ANO3: variants seen among roughly 807,000 people sequenced by gnomAD.
ANO3 encodes the protein anoctamin-3.
ANO3 carries 99 observed loss-of-function variants against 144.8 expected under a neutral mutation model. The ratio of observed to expected loss-of-function variants is 0.68; its 90% CI spans 0.58 to 0.81. ANO3 has a LOEUF of 0.81. ANO3 is among the 30% of genes least tolerant of loss of function. The probability of loss-of-function intolerance (pLI) is 0.00; values close to 1 mark genes in which losing one functional copy is unlikely to be tolerated. For missense variants in ANO3, 905 were observed against 1,202.2 expected (o/e 0.75, Z 3.66); for synonymous variants, 414 against 392.6 (o/e 1.05, Z -0.64).
intron 1 of ANO3, among the ~76,000 whole-genome samples, chr11:26,209,183 C>A (rs1851879771): frequency 6.6e-6 from 1 of 152,088 alleles, no homozygotes; most frequent in South Asian, 2.1e-4. Context: ...GCATAATATT[C>A]CTCTCCCTGT....
upstream of ANO3, among the ~76,000 whole-genome samples, chr11:26,305,663 T>G (rs1854364252): frequency 6.6e-6 from 1 of 152,210 alleles, no homozygotes; most frequent in Non-Finnish European, 1.5e-5. Context: ...ACATAACTAC[T>G]TTCAGAGTTC....
chr11:26,449,485 T>TCA (rs1464465815), intron 3 of ANO3, among the ~76,000 whole-genome samples: 3 of 29,822 alleles, frequency 1.0e-4, no homozygotes, highest in African/African-American at 2.6e-4. Context: ...TCTCTCTCTC[T>TCA]CTCACACACA....
intron 4 of ANO3, among the ~76,000 whole-genome samples, chr11:26,502,290 G>A (rs949456301): frequency 5.3e-5 from 8 of 152,098 alleles, no homozygotes; most frequent in South Asian, 4.2e-4. Flanking sequence ...TCAGTGTTGC[G>A]ACTGTTCTGC....
intron 1 of ANO3, among the ~76,000 whole-genome samples, chr11:26,280,124 A>G (rs1253269690): frequency 6.6e-6 from 1 of 152,188 alleles, no homozygotes; most frequent in Non-Finnish European, 1.5e-5. Context: ...GGACAATGGC[A>G]TCGGTACAAT....
At chr11:26,347,071 T>C (rs551246680) in intron 1 of ANO3, among the ~76,000 whole-genome samples, 94 of 152,342 alleles carry the variant, frequency 6.2e-4, no homozygotes, top group African/African-American at 2.2e-3. Flanking sequence ...TAATTCTTGT[T>C]AGGAGGTAAT....
intron 1 of ANO3, among the ~76,000 whole-genome samples, chr11:26,437,976 A>T (rs1261090651): frequency 6.6e-6 from 1 of 152,252 alleles, no homozygotes; most frequent in Admixed American, 6.5e-5. Context: ...GGAATTCAAC[A>T]TATTAAGATA....
At chr11:26,414,911 C>T (rs778276050) in intron 1 of ANO3, among the ~76,000 whole-genome samples, 1 of 151,702 alleles carries the variant, frequency 6.6e-6, no homozygotes, top group Admixed American at 6.6e-5. Flanking sequence ...TGTTTTAATT[C>T]CGAAAAATTG....
chr11:26,429,454 C>A (rs1340850878), intron 1 of ANO3, among the ~76,000 whole-genome samples: 23 of 42,880 alleles, frequency 5.4e-4, no homozygotes, highest in South Asian at 3.3e-3. Context: ...TCCTAAATTC[C>A]AAAAGTTCAA....
At chr11:26,644,268 T>C (rs562977498) in intron 23 of ANO3, among the ~76,000 whole-genome samples, 1 of 152,358 alleles carries the variant, frequency 6.6e-6, no homozygotes, top group African/African-American at 2.4e-5. Flanking sequence ...GGATTTCATA[T>C]ATACCTTTCC....
intron 3 of ANO3, among the ~76,000 whole-genome samples, chr11:26,461,688 T>C (rs1321715570): frequency 2.0e-5 from 3 of 152,086 alleles, no homozygotes; most frequent in Admixed American, 2.0e-4. Flanking sequence ...CATATTATAT[T>C]CACAAGCATG....
intron 11 of ANO3, among the ~76,000 whole-genome samples, chr11:26,543,292 C>T (rs889864664): frequency 6.6e-6 from 1 of 151,924 alleles, no homozygotes. Context: ...CCTGCTGGCA[C>T]ATTCAGTGGT....
intron 1 of ANO3, among the ~76,000 whole-genome samples, chr11:26,335,031 T>C (rs1855157304): frequency 6.6e-6 from 1 of 152,202 alleles, no homozygotes; most frequent in African/African-American, 2.4e-5. Context: ...GATAGGTAAG[T>C]ATAAGTATAG....
chr11:26,233,022 C>T lies in ANO3; in HGVS notation c.154+43692C>T, dbSNP rs1356565536. On this transcript the variant is annotated intron_variant, in intron 1 of 27. Coordinates refer to the ANO3 transcript ENST00000672621. ...CACGAGGTCAGGAGATCGAGACATC[C>T]TGGCTAACACGGTGAAACCCCGTCT... 6.8e-3 allele frequency among the ~76,000 whole-genome samples: 1,037 copies of T among 152,188 alleles called. 12 individuals are homozygous for T. Among genetic ancestry groups the T allele is most frequent in the African/African-American group, 0.024 (1,001 of 41,536 alleles).
chr11:26,267,110 G>T (rs977406401), intron 1 of ANO3, among the ~76,000 whole-genome samples: 1 of 139,574 alleles, frequency 7.2e-6, no homozygotes, highest in Admixed American at 7.1e-5. Context: ...AAAAAAAAAA[G>T]AAAAGAAAAG....
chr11:26,509,105 C>CTCTA (rs375328197), intron 5 of ANO3, among the ~76,000 whole-genome samples: 4,518 of 147,610 alleles, frequency 0.031, 202 homozygotes, highest in African/African-American at 0.1. Flanking sequence ...CTCTCTCTCT[C>CTCTA]TATATATATA....
At chr11:26,599,139 A>G in intron 16 of ANO3, 141 bp downstream of exon 16, 1 of 887,506 alleles carries the variant, frequency 1.1e-6, no homozygotes, top group South Asian at 1.6e-5. Context: ...ACAATTAAAC[A>G]AACAAATCAC....
chr11:26,512,252 AT>A (rs1185816891), intron 5 of ANO3, among the ~76,000 whole-genome samples: 1 of 152,114 alleles, frequency 6.6e-6, no homozygotes, highest in African/African-American at 2.4e-5. Flanking sequence ...TAAAAACGTA[AT>A]TTTTAAGTTT....
chr11:26,449,241 C>T (rs1300271107), intron 3 of ANO3, among the ~76,000 whole-genome samples: 2 of 152,104 alleles, frequency 1.3e-5, no homozygotes, highest in East Asian at 1.9e-4. Context: ...TACTTTCTGT[C>T]TCCTAATCTT....
At chr11:26,446,405 G>T (rs936996202) in intron 3 of ANO3, among the ~76,000 whole-genome samples, 4 of 152,152 alleles carry the variant, frequency 2.6e-5, no homozygotes, top group Admixed American at 2.6e-4. Flanking sequence ...CTTTTTTACA[G>T]TTAACCACTT....
Sources: gnomAD v4.1 joint callset for allele counts (sites outside exome capture counted in the v4.1 genomes callset) on GRCh38, gnomAD v4.1.1 for gene constraint, MANE v1.5 for transcripts, NCBI Gene and HGNC (gene_info 2026-07-23, HGNC 2026-07-21) for gene names.